The following RBFOX1 variants were observed in gnomAD, a reference collection of about 807,000 sequenced individuals.
RBFOX1 encodes the protein RNA binding fox-1 homolog 1.
Under a neutral mutation model 57.7 loss-of-function variants are expected in RBFOX1, and 8 were observed. That is an observed-to-expected ratio of 0.14 (90% CI 0.08 to 0.25). The LOEUF (loss-of-function observed/expected upper bound fraction) is 0.25, where lower values mean the gene tolerates loss of function less well. Ranked by LOEUF, RBFOX1 falls within the 10% of genes least tolerant of loss-of-function variation. The pLI, the probability that RBFOX1 is intolerant of heterozygous loss-of-function variation, is 1.00. For synonymous variants in RBFOX1, 326 were observed against 222.4 expected (o/e 1.47, Z -4.15); for missense variants, 611 against 548.5 (o/e 1.11, Z -1.14).
At chr16:5,280,015 A>G (rs186779101) in intron 1 of RBFOX1, among the ~76,000 whole-genome samples, 24 of 152,234 alleles carry the variant, frequency 1.6e-4, no homozygotes, top group African/African-American at 5.5e-4. Flanking sequence ...GTCTTGTTCC[A>G]GTTCTTAGAG....
chr16:6,905,508 A>G (rs2069630262), intron 3 of RBFOX1, among the ~76,000 whole-genome samples: 1 of 151,302 alleles, frequency 6.6e-6, no homozygotes, highest in South Asian at 2.1e-4. Context: ...AGCCAAGCTG[A>G]TGCCACTGCA....
At chr16:7,007,582 C>G (rs1192351943) in intron 3 of RBFOX1, among the ~76,000 whole-genome samples, 1 of 152,192 alleles carries the variant, frequency 6.6e-6, no homozygotes, top group African/African-American at 2.4e-5. Flanking sequence ...GTTAAACACC[C>G]TCCCATCCTC....
At chr16:5,704,473 G>C (rs1429046621) in intron 3 of RBFOX1, among the ~76,000 whole-genome samples, 3 of 152,162 alleles carry the variant, frequency 2.0e-5, no homozygotes, top group African/African-American at 7.2e-5. Context: ...CCTTTGAGCA[G>C]TGCTGGGAGC....
chr16:6,197,073 C>G (rs1364698581), intron 1 of RBFOX1, among the ~76,000 whole-genome samples: 1 of 152,080 alleles, frequency 6.6e-6, no homozygotes, highest in Non-Finnish European at 1.5e-5. Context: ...AAATGTCCAC[C>G]TAGCCAGTGA....
chr16:7,433,339 C>G (rs185374206), intron 4 of RBFOX1, among the ~76,000 whole-genome samples: 1 of 152,226 alleles, frequency 6.6e-6, no homozygotes, highest in African/African-American at 2.4e-5. Flanking sequence ...GCAGTAGTCT[C>G]TCTAAAGGAA....
At chr16:7,614,639 A>T (rs897585576) in intron 10 of RBFOX1, 1 of 152,188 alleles carries the variant, frequency 6.6e-6, no homozygotes, top group Non-Finnish European at 1.5e-5. Context: ...CATCCAGGCT[A>T]TGGGAAGCGA....
chr16:7,471,606 G>C (rs4787024), intron 4 of RBFOX1, among the ~76,000 whole-genome samples: 53,512 of 152,046 alleles, frequency 0.35, 10,523 homozygotes, highest in Non-Finnish European at 0.45. Context: ...ATTCTGAGAC[G>C]GGGGTGGAGA....
intron 1 of RBFOX1, among the ~76,000 whole-genome samples, chr16:5,404,286 A>C (rs1202171201): frequency 6.6e-6 from 1 of 152,168 alleles, no homozygotes; most frequent in Admixed American, 6.5e-5. Flanking sequence ...TGTACCCCAT[A>C]CATTTGCACA....
intron 3 of RBFOX1, among the ~76,000 whole-genome samples, chr16:6,839,337 C>T (rs1280147388): frequency 7.2e-5 from 11 of 152,172 alleles, no homozygotes; most frequent in African/African-American, 2.7e-4. Flanking sequence ...CCTCACTCTA[C>T]TATTAACCCC....
At chr16:6,596,523 T>A (rs1289065324) in intron 2 of RBFOX1, among the ~76,000 whole-genome samples, 1 of 145,214 alleles carries the variant, frequency 6.9e-6, no homozygotes, top group Non-Finnish European at 1.5e-5. Flanking sequence ...ACTCCTGTGT[T>A]CCTGGCATTT....
intron 4 of RBFOX1, among the ~76,000 whole-genome samples, chr16:7,447,507 C>T (rs2150093994): frequency 6.6e-6 from 1 of 151,026 alleles, no homozygotes; most frequent in African/African-American, 2.4e-5. Context: ...TTAGGGGTAG[C>T]ATAAAAACAC....
chr16:5,517,822 A>G (rs1567183985), intron 2 of RBFOX1, among the ~76,000 whole-genome samples: 1 of 148,700 alleles, frequency 6.7e-6, no homozygotes, highest in Non-Finnish European at 1.5e-5. Flanking sequence ...GATTTTCTCA[A>G]AATTGACTAT....
At chr16:7,160,142 T>G (rs182653148) in intron 4 of RBFOX1, among the ~76,000 whole-genome samples, 7 of 152,290 alleles carry the variant, frequency 4.6e-5, no homozygotes, top group East Asian at 1.9e-4. Flanking sequence ...TTTCAATTGT[T>G]TCAAAGGAAT....
At chr16:5,491,081 C>T (rs1468522339) in intron 2 of RBFOX1, among the ~76,000 whole-genome samples, 1 of 152,216 alleles carries the variant, frequency 6.6e-6, no homozygotes, top group Admixed American at 6.5e-5. Flanking sequence ...GTTTCTGTAC[C>T]TGCTTCATTA....
At chr16:5,349,811 C>CT (rs995787652) in intron 1 of RBFOX1, among the ~76,000 whole-genome samples, 6 of 152,264 alleles carry the variant, frequency 3.9e-5, no homozygotes, top group Admixed American at 3.9e-4. Context: ...CTGGAGCTAC[C>CT]TTGGCCCACG....
rs535877473 is a variant in RBFOX1 at position 6,371,136 on chromosome 16, A to T, written c.-64+54079A>T. The stretch of plus-strand genomic sequence containing the variant: ...CTTTGGATCATATGATGTCTCTCAG[A>T]TATCTCCAGTAAAAACTTTCTCACT... On this transcript the variant is annotated intron_variant, in intron 2 of 15. Transcript: ENST00000550418. Among the ~76,000 whole-genome samples, 6 of 152,312 alleles carry T rather than the reference A, an allele frequency of 3.9e-5. No individual in the cohort carries two copies. In the South Asian group the frequency reaches 1.2e-3, roughly 32 times the overall value.
intron 1 of RBFOX1, among the ~76,000 whole-genome samples, chr16:6,316,556 G>A (rs2081141975): frequency 6.6e-6 from 1 of 152,130 alleles, no homozygotes; most frequent in Admixed American, 6.6e-5. Context: ...TTCCTAGGGG[G>A]AAAATCCATA....
chr16:7,321,077 G>GTATATATATACATATACATATACA (rs2096536810), intron 4 of RBFOX1, among the ~76,000 whole-genome samples: 2 of 142,634 alleles, frequency 1.4e-5, no homozygotes, highest in Non-Finnish European at 3.0e-5. Context: ...CTATCTATAC[G>GTATATATATACATATACATATACA]TATACATATA....
At chr16:5,874,800 C>A (rs1370943798) in intron 4 of RBFOX1, among the ~76,000 whole-genome samples, 1 of 152,056 alleles carries the variant, frequency 6.6e-6, no homozygotes, top group African/African-American at 2.4e-5. Context: ...AGAAAATTAG[C>A]CAGGCAATGT....
Sources: allele counts gnomAD v4.1 joint callset (sites outside exome capture counted in the v4.1 genomes callset), GRCh38; gene constraint gnomAD v4.1.1; transcripts MANE v1.5; gene names NCBI Gene and HGNC (gene_info 2026-07-23, HGNC 2026-07-21).